Variants in SMARCB1 observed in about 807,000 individuals in gnomAD.
SMARCB1 encodes SWI/SNF related BAF chromatin remodeling complex subunit B1, also known as SWI/SNF-related matrix-associated actin-dependent regulator of chromatin subfamily B member 1.
In SMARCB1, 5 loss-of-function variants were observed where a neutral mutation model predicts 49.0. The observed-to-expected ratio is 0.10, with a 90% CI of 0.05 to 0.21. The LOEUF (loss-of-function observed/expected upper bound fraction) is 0.21. SMARCB1 is among the 10% of genes least tolerant of loss of function. The pLI, the probability that SMARCB1 is intolerant of heterozygous loss-of-function variation, is 1.00. For synonymous variants in SMARCB1, 201 were observed against 200.1 expected, an observed-to-expected ratio of 1.00 and a Z score of -0.04; for missense variants, 226 against 509.2, an observed-to-expected ratio of 0.44 and a Z score of 5.35.
chr22:23,797,880 A>C (rs2145972762), intron 3 of SMARCB1, among the ~76,000 whole-genome samples: 1 of 152,120 alleles, frequency 6.6e-6, no homozygotes, highest in East Asian at 1.9e-4. Flanking sequence ...CGGCCTCCCA[A>C]AGTGTCGGGG....
At chr22:23,833,144 C>T (rs1307404275) in intron 7 of SMARCB1, among the ~76,000 whole-genome samples, 1 of 152,190 alleles carries the variant, frequency 6.6e-6, no homozygotes, top group Non-Finnish European at 1.5e-5. Flanking sequence ...CCATCCATCC[C>T]CTTTCCCTGA....
At chr22:23,821,229 A>C (rs753111435) in intron 6 of SMARCB1, among the ~76,000 whole-genome samples, 2 of 152,224 alleles carry the variant, frequency 1.3e-5, no homozygotes, top group Non-Finnish European at 2.9e-5. Context: ...GTCAGACCAG[A>C]TGTCACAGGG....
intron 5 of SMARCB1, among the ~76,000 whole-genome samples, chr22:23,804,613 G>A (rs9612433): frequency 0.92 from 139,719 of 152,230 alleles, 64,263 homozygotes; most frequent in Middle Eastern, 0.97. Flanking sequence ...GCACGATCTC[G>A]GCTCACTGCA....
At chr22:23,792,385 T>C in intron 2 of SMARCB1, 1 of 295,830 alleles carries the variant, frequency 3.4e-6, no homozygotes. Flanking sequence ...CCTGGTGGCC[T>C]GCGTGTGCCT....
chr22:23,816,536 ATGAC>A, intron 5 of SMARCB1: 1 of 614,882 alleles, frequency 1.6e-6, no homozygotes, highest in Non-Finnish European at 2.9e-6. Flanking sequence ...GTTTATGGCC[ATGAC>A]CACCCCCAGG....
intron 4 of SMARCB1, 39 bp from the exon 5 acceptor site, chr22:23,803,256 C>T (rs368129545): frequency 6.4e-5 from 103 of 1,613,692 alleles, no homozygotes; most frequent in East Asian, 2.5e-4. Flanking sequence ...CCTAGGGCTC[C>T]GGCCCCCTCG....
At chr22:23,824,901 A>C in intron 6 of SMARCB1, 1 of 452,296 alleles carries the variant, frequency 2.2e-6, no homozygotes, top group Non-Finnish European at 4.1e-6. Context: ...GCAGGAGCGA[A>C]GGGCAGAAAG....
chr22:23,805,185 G>C (rs1424853449), intron 5 of SMARCB1, among the ~76,000 whole-genome samples: 2 of 152,192 alleles, frequency 1.3e-5, no homozygotes, highest in African/African-American at 4.8e-5. Flanking sequence ...CATGTGCCGG[G>C]TGCTTGTCCC....
At position 23,834,129 on chromosome 22, in the gene SMARCB1, C is replaced by T. The variant is rs1295969050; in HGVS notation, c.1119-12C>T. 5.7e-6 allele frequency: 9 copies of T among 1,583,354 alleles called. No individual in the cohort carries two copies. The highest frequency in any genetic ancestry group is 7.7e-6 in the Non-Finnish European group (9 of 1,165,116). On this transcript the variant is annotated splice_polypyrimidine_tract_variant and intron_variant, in intron 8 of 8. Transcript: ENST00000644036. ...TGGCCCCGACTCATTGCCCTCCCCA[C>T]TCCTCTTCCAGGCGGATGAGGCGTC...
chr22:23,831,806 T>TG (rs2030669957), intron 7 of SMARCB1, among the ~76,000 whole-genome samples: 2 of 152,262 alleles, frequency 1.3e-5, no homozygotes, highest in South Asian at 4.1e-4. Flanking sequence ...GAATGATGTT[T>TG]GGGGTCTGAG....
At chr22:23,793,031 TC>T (rs1481916025) in intron 2 of SMARCB1, 1 of 215,492 alleles carries the variant, frequency 4.6e-6, no homozygotes, top group Non-Finnish European at 9.5e-6. Flanking sequence ...GTGGACCGGC[TC>T]GGGGATAGAA....
chr22:23,814,536 A>T, intron 5 of SMARCB1, among the ~76,000 whole-genome samples: 1 of 151,864 alleles, frequency 6.6e-6, no homozygotes, highest in East Asian at 1.9e-4. Context: ...GTGGTGGCGC[A>T]TGCCTGTAAC....
chr22:23,788,475 G>A (rs1436661040), intron 1 of SMARCB1, among the ~76,000 whole-genome samples: 5 of 150,568 alleles, frequency 3.3e-5, no homozygotes, highest in Admixed American at 2.0e-4. Context: ...GTGTGATCTC[G>A]GCTCACTGCA....
At chr22:23,788,964 CTCAG>C (rs1260062058) in intron 1 of SMARCB1, among the ~76,000 whole-genome samples, 2 of 152,124 alleles carry the variant, frequency 1.3e-5, no homozygotes, top group Non-Finnish European at 2.9e-5. Context: ...GTCCTCCCAC[CTCAG>C]TCTCCCAAGT....
In SMARCB1 at chr22:23,828,709, T is replaced by A. The variant is rs183739100; in HGVS notation, c.986+3294T>A. Among the ~76,000 whole-genome samples the A allele has an allele frequency of 2.1e-3, 325 of 152,276 alleles. 1 individual carries two copies. The highest frequency in any genetic ancestry group is 7.6e-3 in the African/African-American group (315 of 41,562). ...CTCCATAATGGAAGCACTCGCTGAT[T>A]CCCCAAGAGCCAGTCCCTCCATCTC... On this transcript the variant is annotated intron_variant, in intron 7 of 8. Transcript: ENST00000644036.
At chr22:23,807,709 A>G (rs1929581093) in intron 5 of SMARCB1, among the ~76,000 whole-genome samples, 1 of 152,176 alleles carries the variant, frequency 6.6e-6, no homozygotes, top group Admixed American at 6.5e-5. Context: ...CTCAACACAA[A>G]GAAAAAAATC....
In SMARCB1 at chr22:23,809,586, AT is replaced by A. The variant is rs560395659; in HGVS notation, c.628+6170del. Among the ~76,000 whole-genome samples, 97 of 151,614 alleles carry A rather than the reference AT, an allele frequency of 6.4e-4. 2 individuals carry two copies. Among genetic ancestry groups the A allele is most frequent in the South Asian group, 1.7e-3 (8 of 4,800 alleles). ...CCACTGTGCTCGGCCAATTTTTTGTATTTTTTAGTAGAGACGGGGTTTCACT... is the reference window on the plus strand; with the variant it reads ...CCACTGTGCTCGGCCAATTTTTTGTATTTTTAGTAGAGACGGGGTTTCACT... On this transcript the variant is annotated intron_variant, in intron 5 of 8. Coordinates refer to ENST00000644036, the MANE Select transcript of SMARCB1 (RefSeq NM_003073.5).
At position 23,836,935 on chromosome 22, in the gene SMARCB1, T is replaced by A; in HGVS notation, c.*2755T>A. 6.4e-7 allele frequency: 1 copy of A among 1,571,630 alleles called. No individual in the cohort carries two copies. Among genetic ancestry groups the A allele is most frequent in the Non-Finnish European group, 8.6e-7 (1 of 1,160,412 alleles). On this transcript the variant is annotated 3_prime_UTR_variant, in exon 9 of 9. Coordinates refer to ENST00000644036, the MANE Select transcript of SMARCB1 (RefSeq NM_003073.5). ...CAGGGAGGGGCAGGTAATTGGGGTC[T>A]TCTGCAGGGGCATCCAGGAGCAGCT... is the stretch of plus-strand genomic sequence containing the variant.
intron 5 of SMARCB1, 26 bp from the exon 6 acceptor site, chr22:23,816,744 G>T: frequency 1.2e-6 from 2 of 1,608,350 alleles, no homozygotes; most frequent in Non-Finnish European, 8.5e-7. Flanking sequence ...CAATCTCTTG[G>T]CATCCCTTCC....
Sources: gnomAD v4.1 joint callset for allele counts (sites outside exome capture counted in the v4.1 genomes callset) on GRCh38, gnomAD v4.1.1 for gene constraint, MANE v1.5 for transcripts, NCBI Gene and HGNC (gene_info 2026-07-23, HGNC 2026-07-21) for gene names.